Variants in RFC3 observed in about 807,000 individuals in gnomAD.
RFC3 encodes A1 38 kDa subunit.
In RFC3, 41 loss-of-function variants were observed where a neutral mutation model predicts 45.1. The observed-to-expected ratio is 0.91, with a 90% CI of 0.71 to 1.18. The LOEUF is 1.18. Among genes scored for constraint, RFC3 ranks in the 50% most tolerant of loss-of-function variants. The pLI is 0.00. For missense variants in RFC3, 423 were observed against 428.1 expected, an observed-to-expected ratio of 0.99 and a Z score of 0.10; for synonymous variants, 149 against 144.0, an observed-to-expected ratio of 1.03 and a Z score of -0.25.
chr13:33,974,289 G>T, the RFC3 span, among the ~76,000 whole-genome samples: 1 of 152,160 alleles, frequency 6.6e-6, no homozygotes, highest in Non-Finnish European at 1.5e-5. Context: ...GCAAACTGTT[G>T]TAGTAATAAG....
At position 33,896,805 on chromosome 13, in the gene RFC3, A is replaced by G. The variant is rs566483179; in HGVS notation, c.879+61588A>G. 5.3e-5 allele frequency among the ~76,000 whole-genome samples: 8 copies of G among 151,508 alleles called. No homozygotes were observed. The East Asian group carries it at 1.4e-3, about 26-fold the overall frequency. On this transcript the variant is annotated intron_variant, in intron 8 of 8. Coordinates refer to the RFC3 transcript ENST00000434425. Reference sequence around the variant, plus strand: ...TCTAGCAACAGATTTCTCAATGGAAACTATATAGGCCAACAGGGAGTGAAA... The same window carrying G: ...TCTAGCAACAGATTTCTCAATGGAAGCTATATAGGCCAACAGGGAGTGAAA...
chr13:33,957,859 G>C (rs1342330504), intron 8 of RFC3, among the ~76,000 whole-genome samples: 1 of 152,126 alleles, frequency 6.6e-6, no homozygotes, highest in African/African-American at 2.4e-5. Flanking sequence ...GTGGCAGCTG[G>C]TCTGCCTGCT....
downstream of RFC3, among the ~76,000 whole-genome samples, chr13:33,968,898 T>A (rs2083099646): frequency 1.3e-5 from 2 of 152,200 alleles, no homozygotes; most frequent in Non-Finnish European, 2.9e-5. Flanking sequence ...GCATGGCAGC[T>A]TGTTCACAGG....
At chr13:33,885,282 GA>G (rs1176480213) in intron 8 of RFC3, among the ~76,000 whole-genome samples, 1 of 151,376 alleles carries the variant, frequency 6.6e-6, no homozygotes, top group East Asian at 1.9e-4. Context: ...GACATCATAG[GA>G]AAAAAACTTG....
Position 33,935,694 on chromosome 13 carries a change from A to G in RFC3, c.880-30393A>G, listed in dbSNP as rs574930200. Among the ~76,000 whole-genome samples, 49 of 152,244 alleles carry G rather than the reference A, an allele frequency of 3.2e-4. No individual in the cohort carries two copies. In the South Asian group the frequency reaches 0.01, roughly 32 times the overall value. Reference sequence around the variant, plus strand: ...AAAACCTTGTTTGGTTTGTTTCTGAAACTTTTGTTCCTTTGCTCATCCTGT... The same window carrying G: ...AAAACCTTGTTTGGTTTGTTTCTGAGACTTTTGTTCCTTTGCTCATCCTGT... On this transcript the variant is annotated intron_variant, in intron 8 of 8. Coordinates refer to the RFC3 transcript ENST00000434425.
At chr13:33,958,915 A>C (rs1047583053) in intron 8 of RFC3, among the ~76,000 whole-genome samples, 6 of 152,198 alleles carry the variant, frequency 3.9e-5, no homozygotes, top group Non-Finnish European at 8.8e-5. Context: ...ATTCATTATG[A>C]CTAGTTGGTA....
chr13:33,844,736 A>G (rs1244834740), intron 8 of RFC3, among the ~76,000 whole-genome samples: 1 of 152,040 alleles, frequency 6.6e-6, no homozygotes, highest in Admixed American at 6.5e-5. Flanking sequence ...TATACTGTCT[A>G]TGTTCTGAAA....
intron 8 of RFC3, among the ~76,000 whole-genome samples, chr13:33,851,211 ATCTACTAATTTTTC>A (rs71074988): frequency 0.012 from 1,794 of 152,292 alleles, 22 homozygotes; most frequent in Non-Finnish European, 0.019. Context: ...CCAAGGGAAA[ATCTACTAATTTTTC>A]TCTACCCCCA....
At chr13:33,830,935 A>G (rs1049547928) in intron 6 of RFC3, 80 bp downstream of exon 6, 26 of 1,245,192 alleles carry the variant, frequency 2.1e-5, no homozygotes, top group South Asian at 1.1e-4. Flanking sequence ...GTGGAAGACA[A>G]TTTTTCCATG....
At position 33,835,216 on chromosome 13, in the gene RFC3, A is replaced by C; in HGVS notation, c.878A>C (p.Lys293Thr). 2.5e-6 allele frequency: 4 copies of C among 1,601,716 alleles called. No individual in the cohort carries two copies. The highest frequency in any genetic ancestry group is 1.7e-6 in the Non-Finnish European group (2 of 1,168,974). ...TGTATTCCTCCTGAGATAATAATGA[A>C]GGTAACCCAATTTCAGATCTTGAAC... is the stretch of plus-strand genomic sequence containing the variant. Reference protein sequence around the residue: ...THCIPPEIIMKGLLSELLHNC... With the variant: ...THCIPPEIIMTGLLSELLHNC... The change falls in exon 8 of 9, where the codon AAG becomes ACG. Residue 293 changes from lysine (K) to threonine (T), a missense_variant and splice_region_variant. Coordinates refer to ENST00000380071, the MANE Select transcript of RFC3 (RefSeq NM_002915.4).
At chr13:33,950,102 CA>C (rs1349491825) in intron 8 of RFC3, among the ~76,000 whole-genome samples, 21 of 151,688 alleles carry the variant, frequency 1.4e-4, no homozygotes, top group South Asian at 8.3e-4. Flanking sequence ...CACACACACA[CA>C]CACCCCGTTA....
intron 8 of RFC3, among the ~76,000 whole-genome samples, chr13:33,925,523 TATACATACATACATAGTGTACTATATAC>T (rs1566030855): frequency 1.4e-5 from 2 of 143,516 alleles, no homozygotes; most frequent in African/African-American, 5.3e-5. Flanking sequence ...TAGTGTACTA[TATACATACATACATAGTGTACTATATAC>T]ATACATACAT....
chr13:33,871,653 G>T (rs1356583268), intron 8 of RFC3, among the ~76,000 whole-genome samples: 1 of 152,188 alleles, frequency 6.6e-6, no homozygotes, highest in Non-Finnish European at 1.5e-5. Context: ...CCATTATTCT[G>T]CTCACCATAT....
intron 8 of RFC3, among the ~76,000 whole-genome samples, chr13:33,863,200 T>C (rs2082352399): frequency 6.6e-6 from 1 of 152,068 alleles, no homozygotes; most frequent in Admixed American, 6.5e-5. Flanking sequence ...ATCAGTAATA[T>C]AATGAATGAA....
At chr13:33,968,423 G>A (rs1593725187), downstream of RFC3, among the ~76,000 whole-genome samples, 1 of 152,148 alleles carries the variant, frequency 6.6e-6, no homozygotes, top group East Asian at 1.9e-4. Flanking sequence ...ACCACGCCTG[G>A]CCCAGCATTT....
intron 8 of RFC3, among the ~76,000 whole-genome samples, chr13:33,851,395 A>T (rs777989331): frequency 1.3e-5 from 2 of 152,212 alleles, no homozygotes; most frequent in Non-Finnish European, 2.9e-5. Context: ...CCTTACCAAC[A>T]ACAGAAATAC....
chr13:33,923,404 T>G (rs1413180206), intron 8 of RFC3, among the ~76,000 whole-genome samples: 1 of 152,010 alleles, frequency 6.6e-6, no homozygotes, highest in South Asian at 2.1e-4. Flanking sequence ...TGACTGGCAG[T>G]TTGAATGTCA....
intron 8 of RFC3, among the ~76,000 whole-genome samples, chr13:33,954,212 T>C (rs1469606001): frequency 3.3e-5 from 5 of 152,148 alleles, no homozygotes; most frequent in African/African-American, 1.2e-4. Context: ...TAAACAGATT[T>C]TGGGGGAAAA....
chr13:33,880,314 T>G (rs1303950725), intron 8 of RFC3, among the ~76,000 whole-genome samples: 1 of 152,198 alleles, frequency 6.6e-6, no homozygotes, highest in Non-Finnish European at 1.5e-5. Context: ...AAAAGTAACC[T>G]AATAAATGTT....
Sources: allele counts gnomAD v4.1 joint callset (sites outside exome capture counted in the v4.1 genomes callset), GRCh38; gene constraint gnomAD v4.1.1; transcripts MANE v1.5; gene names NCBI Gene and HGNC (gene_info 2026-07-23, HGNC 2026-07-21).